Variants in S100A11 observed in about 807,000 individuals in gnomAD.
The protein encoded by S100A11 is S100 calcium binding protein A11, also known as protein S100-A11.
S100A11 carries 5 observed loss-of-function variants against 7.4 expected under a neutral mutation model. The observed-to-expected ratio is 0.68, with a 90% confidence interval of 0.35 to 1.42. The LOEUF is 1.42. Among genes scored for constraint, S100A11 ranks in the 40% most tolerant of loss-of-function variants. The pLI is 0.04. For missense variants in S100A11, 96 were observed against 125.0 expected (o/e 0.77, Z 1.11); for synonymous variants, 47 against 46.6 (o/e 1.01, Z -0.04).
In S100A11 at chr1:152,033,252, TATTTAC is replaced by T. The variant is rs544211604; in HGVS notation, c.156+390_156+395del. ...CTTAGAGCCACTGGTTACAAATGGC[TATTTAC>T]ATTTACATTTACATTAACTAATTTA... On this transcript the variant is annotated intron_variant, in intron 2 of 2. Coordinates refer to ENST00000271638, the MANE Select transcript of S100A11 (RefSeq NM_005620.2). This position sits in a 1 kb window ranked among gnomAD's most constrained non-coding sequence, Gnocchi z 4.0. 4.1e-3 allele frequency among the ~76,000 whole-genome samples: 629 copies of T among 152,354 alleles called. 3 individuals carry two copies. Among genetic ancestry groups the T allele is most frequent in the African/African-American group, 0.015 (608 of 41,582 alleles).
At chr1:152,035,509 G>C (rs2101466703) in intron 1 of S100A11, among the ~76,000 whole-genome samples, 1 of 152,308 alleles carries the variant, frequency 6.6e-6, no homozygotes, top group African/African-American at 2.4e-5. Context: ...GTTGCTATCA[G>C]CCACAAGGAG....
In S100A11 at chr1:152,032,722, G is replaced by A. The variant is rs1208879822; in HGVS notation, c.258C>T (p.Gly86=). The part of the protein sequence containing the change: ...DFSEFLNLIG[G]LAMACHDSFL... ...AGGAGTCATGGCAAGCCATAGCTAG[G>A]CCACCAATCAGATTAAGAAATTCTG... Residue 86 remains glycine, a synonymous_variant, in exon 3 of 3, where the codon GGC becomes GGT. Transcript: ENST00000271638. The A allele has an allele frequency of 1.2e-6, 2 of 1,613,900 alleles. No individual in the cohort carries two copies. The highest frequency in any genetic ancestry group is 2.7e-5 in the African/African-American group (2 of 74,932).
chr1:152,036,057 AG>A (rs1572130127), intron 1 of S100A11, among the ~76,000 whole-genome samples: 1 of 152,318 alleles, frequency 6.6e-6, no homozygotes, highest in Non-Finnish European at 1.5e-5. Context: ...TTCACATGTC[AG>A]AAAGTATTTT....
intron 1 of S100A11, among the ~76,000 whole-genome samples, chr1:152,034,914 C>T (rs1031059495): frequency 6.6e-6 from 1 of 152,202 alleles, no homozygotes; most frequent in African/African-American, 2.4e-5. Flanking sequence ...TTTCTCACTC[C>T]GTAATTAACA....
chr1:152,033,858 G>A lies in S100A11; in HGVS notation c.4-58C>T. 4 of 1,468,780 alleles carry A rather than the reference G, an allele frequency of 2.7e-6. No homozygotes were observed. The highest frequency in any genetic ancestry group is 3.8e-6 in the Non-Finnish European group (4 of 1,051,952). 91.0% of individuals were successfully genotyped at this position (1,468,780 alleles called of 1,614,324 possible). A position where few individuals can be genotyped will look rare whatever the true frequency, so the allele number is the denominator to read the frequency against. On this transcript the variant is annotated intron_variant, in intron 1 of 2. Coordinates refer to ENST00000271638, the MANE Select transcript of S100A11 (RefSeq NM_005620.2). This position sits in a 1 kb window ranked among gnomAD's most constrained non-coding sequence, Gnocchi z 4.0. Reference sequence around the variant, plus strand: ...AGGGAAGATGTCAAGGCTGGATACTGGAGAAAACTCCAGGGACTCTTATTT... The same window carrying A: ...AGGGAAGATGTCAAGGCTGGATACTAGAGAAAACTCCAGGGACTCTTATTT...
intron 1 of S100A11, among the ~76,000 whole-genome samples, chr1:152,034,553 C>T (rs917188214): frequency 4.6e-5 from 7 of 152,236 alleles, no homozygotes; most frequent in Non-Finnish European, 1.5e-5. Context: ...CACTCCAAAC[C>T]AGGAAGCTCT....
chr1:152,036,031 T>C (rs1433921833), intron 1 of S100A11, among the ~76,000 whole-genome samples: 8 of 152,254 alleles, frequency 5.3e-5, no homozygotes, highest in Admixed American at 1.3e-4. Flanking sequence ...CGCTGAAGTT[T>C]GATTTCCACA....
At chr1:152,035,690 G>A (rs1380469839) in intron 1 of S100A11, among the ~76,000 whole-genome samples, 1 of 152,178 alleles carries the variant, frequency 6.6e-6, no homozygotes, top group Non-Finnish European at 1.5e-5. Context: ...CCAGGGTGGC[G>A]CAGTGGCTGA....
Position 152,032,561 on chromosome 1 carries a change from T to A in S100A11, c.*101A>T. On this transcript the variant is annotated 3_prime_UTR_variant, in exon 3 of 3. Coordinates refer to ENST00000271638, the MANE Select transcript of S100A11 (RefSeq NM_005620.2). ...TTACTATTGGCAGGTGGGGCCTGCA[T>A]GAGGTGGTTAGTGTGCTCAGGGGAT... 1.0e-6 allele frequency: 1 copy of A among 1,000,598 alleles called. No homozygotes were observed. Among genetic ancestry groups the A allele is most frequent in the Non-Finnish European group, 1.5e-6 (1 of 680,046 alleles). The allele number at this position is 1,000,598 out of a possible 1,614,324, so 62.0% of individuals were successfully genotyped here.
intron 1 of S100A11, among the ~76,000 whole-genome samples, chr1:152,034,764 C>G (rs976187427): frequency 2.0e-5 from 3 of 152,194 alleles, no homozygotes; most frequent in East Asian, 1.9e-4. Context: ...TCTGGGAAAC[C>G]GGCCTGGCCA....
chr1:152,033,029 TC>T lies in S100A11; in HGVS notation c.157-207del, dbSNP rs1173133554. The stretch of plus-strand genomic sequence containing the variant: ...GGCCTTGAACCAAAGGTTTTCCCAC[TC>T]CTAGTCCAGGGCTCTTTCTATGATA... On this transcript the variant is annotated intron_variant, in intron 2 of 2. Transcript: ENST00000271638. The surrounding 1 kb of genome is among the most constrained non-coding windows in gnomAD (Gnocchi z 4.0). Among the ~76,000 whole-genome samples, 1 of 152,202 alleles carries T rather than the reference TC, an allele frequency of 6.6e-6. No homozygotes were observed. The highest frequency in any genetic ancestry group is 2.4e-5 in the African/African-American group (1 of 41,444).
chr1:152,035,492 T>C (rs1215756240), intron 1 of S100A11, among the ~76,000 whole-genome samples: 1 of 152,264 alleles, frequency 6.6e-6, no homozygotes, highest in Non-Finnish European at 1.5e-5. Flanking sequence ...TTTTGAAAAC[T>C]GTTGCTGTTG....
chr1:152,036,854 T>G (rs981434981), intron 1 of S100A11, 59 bp downstream of exon 1: 48 of 1,470,872 alleles, frequency 3.3e-5, no homozygotes, highest in East Asian at 1.1e-4. Flanking sequence ...AGTATGTGGG[T>G]TTTTTTTCTT....
At chr1:152,034,898 A>G (rs1174221289) in intron 1 of S100A11, among the ~76,000 whole-genome samples, 1 of 152,238 alleles carries the variant, frequency 6.6e-6, no homozygotes, top group African/African-American at 2.4e-5. Flanking sequence ...GGCCAGAGCT[A>G]GAGGCTTTCT....
rs201176217 is a variant in S100A11 at position 152,033,761 on chromosome 1, C to T, written c.43G>A (p.Glu15Lys). 28 of 1,613,706 alleles carry T rather than the reference C, an allele frequency of 1.7e-5. No individual in the cohort carries two copies. Among genetic ancestry groups the T allele is most frequent in the Middle Eastern group, 3.3e-4 (2 of 6,080 alleles). The stretch of plus-strand genomic sequence containing the variant: ...TTCTGGAAGACAGCAATCAGGGACT[C>T]GATGCACCGCTCAGTCTCTGTAGGG... ...SSPTETERCIESLIAVFQKYA... is the reference protein window; with the variant it reads ...SSPTETERCIKSLIAVFQKYA... Residue 15 changes from glutamate (E) to lysine (K), a missense_variant, in exon 2 of 3, where the codon GAG becomes AAG. By Grantham distance (56) the Glu-to-Lys change is moderately conservative (BLOSUM62 1). Coordinates refer to ENST00000271638, the MANE Select transcript of S100A11 (RefSeq NM_005620.2). The surrounding 1 kb of genome is among the most constrained non-coding windows in gnomAD (Gnocchi z 4.0).
intron 1 of S100A11, among the ~76,000 whole-genome samples, chr1:152,036,423 C>T (rs1440732316): frequency 1.3e-5 from 2 of 152,174 alleles, no homozygotes; most frequent in Non-Finnish European, 2.9e-5. Flanking sequence ...GGCCGTCTGC[C>T]GGGTGCTTAC....
intron 1 of S100A11, 27 bp downstream of exon 1, chr1:152,036,885 GA>G: frequency 7.3e-7 from 1 of 1,377,784 alleles, no homozygotes; most frequent in Non-Finnish European, 1.0e-6. Flanking sequence ...TTTCATGTAA[GA>G]AGAAGAAGAA....
At chr1:152,034,158 A>T (rs1156940786) in intron 1 of S100A11, among the ~76,000 whole-genome samples, 1 of 152,262 alleles carries the variant, frequency 6.6e-6, no homozygotes, top group Non-Finnish European at 1.5e-5. Context: ...ATCCATATGC[A>T]CACCAAACAT....
Position 152,033,043 on chromosome 1 carries a change from T to A in S100A11, c.157-220A>T, listed in dbSNP as rs1468339019. On this transcript the variant is annotated intron_variant, in intron 2 of 2. Coordinates refer to ENST00000271638, the MANE Select transcript of S100A11 (RefSeq NM_005620.2). This position sits in a 1 kb window ranked among gnomAD's most constrained non-coding sequence, Gnocchi z 4.0. The stretch of plus-strand genomic sequence containing the variant: ...GGTTTTCCCACTCCTAGTCCAGGGC[T>A]CTTTCTATGATATTAGGGGCTATTC... 6.6e-6 allele frequency among the ~76,000 whole-genome samples: 1 copy of A among 152,216 alleles called. No homozygotes were observed. The highest frequency in any genetic ancestry group is 2.4e-5 in the African/African-American group (1 of 41,446).
Sources: gnomAD v4.1 joint callset for allele counts (sites outside exome capture counted in the v4.1 genomes callset) on GRCh38, gnomAD v4.1.1 for gene constraint, Gnocchi (gnomAD v3.1) non-coding constraint, MANE v1.5 for transcripts, NCBI Gene and HGNC (gene_info 2026-07-23, HGNC 2026-07-21) for gene names.